Variants in NEGR1 observed in about 807,000 individuals in gnomAD.
The protein encoded by NEGR1 is neuronal growth regulator 1.
Under a neutral mutation model 40.9 loss-of-function variants are expected in NEGR1, and 10 were observed. That is an observed-to-expected ratio of 0.24 (90% CI 0.15 to 0.42). The LOEUF is 0.42. NEGR1 is among the 10% of genes least tolerant of loss of function. NEGR1 has a pLI of 1.00. For missense variants in NEGR1, 352 were observed against 438.9 expected, an observed-to-expected ratio of 0.80 and a Z score of 1.77; for synonymous variants, 185 against 166.8, an observed-to-expected ratio of 1.11 and a Z score of -0.84.
At chr1:71,603,240 G>T (rs953133250) in intron 5 of NEGR1, among the ~76,000 whole-genome samples, 2 of 152,146 alleles carry the variant, frequency 1.3e-5, no homozygotes, top group African/African-American at 4.8e-5. Context: ...TGGTAATAAG[G>T]TTATTTCTAG....
At chr1:72,267,681 G>C (rs1383945120) in intron 1 of NEGR1, among the ~76,000 whole-genome samples, 1 of 151,140 alleles carries the variant, frequency 6.6e-6, no homozygotes, top group East Asian at 1.9e-4. Flanking sequence ...CTATTTCAAT[G>C]AAGAATTATT....
At chr1:71,729,938 C>T (rs1198422664) in intron 3 of NEGR1, among the ~76,000 whole-genome samples, 1 of 149,684 alleles carries the variant, frequency 6.7e-6, no homozygotes, top group East Asian at 2.0e-4. Context: ...TATTGAGAGA[C>T]AATAACTTAT....
chr1:71,859,071 G>T (rs1000448931), intron 2 of NEGR1, among the ~76,000 whole-genome samples: 1 of 152,034 alleles, frequency 6.6e-6, no homozygotes, highest in Non-Finnish European at 1.5e-5. Flanking sequence ...GTCACTTGGT[G>T]TTCACCCTCC....
intron 5 of NEGR1, among the ~76,000 whole-genome samples, chr1:71,594,692 C>T (rs610454): frequency 0.89 from 136,213 of 152,228 alleles, 62,300 homozygotes; most frequent in Non-Finnish European, 1. Flanking sequence ...AGCCTAGCAA[C>T]ATTTATGCTA....
chr1:71,959,128 A>AT (rs1410674175), intron 1 of NEGR1, among the ~76,000 whole-genome samples: 3 of 152,098 alleles, frequency 2.0e-5, no homozygotes, highest in Admixed American at 6.6e-5. Context: ...AAGACAACTG[A>AT]TTTTTCCCCT....
At chr1:71,804,870 CT>C (rs760231617) in intron 2 of NEGR1, among the ~76,000 whole-genome samples, 117 of 152,326 alleles carry the variant, frequency 7.7e-4, no homozygotes, top group Non-Finnish European at 1.5e-3. Flanking sequence ...ACCTTAAACT[CT>C]GACTGCCAGT....
chr1:71,976,005 T>C (rs1363221093), intron 1 of NEGR1, among the ~76,000 whole-genome samples: 1 of 152,242 alleles, frequency 6.6e-6, no homozygotes, highest in African/African-American at 2.4e-5. Context: ...TCAAGCCCAA[T>C]GCTTCACATT....
At chr1:71,979,384 G>T (rs2768377) in intron 1 of NEGR1, among the ~76,000 whole-genome samples, 64,983 of 151,812 alleles carry the variant, frequency 0.43, 14,430 homozygotes, top group Middle Eastern at 0.57. Context: ...AAAATAAGAA[G>T]AAAAAGTAAA....
intron 4 of NEGR1, among the ~76,000 whole-genome samples, chr1:71,678,903 C>T (rs761885086): frequency 3.3e-5 from 5 of 151,944 alleles, no homozygotes; most frequent in Non-Finnish European, 5.9e-5. Flanking sequence ...CAAACAGAGG[C>T]GGCATCAAGA....
At chr1:72,097,288 G>A (rs1041921214) in intron 1 of NEGR1, among the ~76,000 whole-genome samples, 9 of 152,242 alleles carry the variant, frequency 5.9e-5, no homozygotes, top group African/African-American at 2.2e-4. Context: ...TTTTAAGGTT[G>A]TTGTGAAGAT....
At chr1:71,977,325 CAA>C (rs66553287) in intron 1 of NEGR1, among the ~76,000 whole-genome samples, 1 of 151,320 alleles carries the variant, frequency 6.6e-6, no homozygotes, top group African/African-American at 2.4e-5. Context: ...GACTCCATCT[CAA>C]AAAAAACAAA....
chr1:72,151,003 C>G (rs1039028336), intron 1 of NEGR1, among the ~76,000 whole-genome samples: 6 of 151,678 alleles, frequency 4.0e-5, no homozygotes, highest in African/African-American at 1.5e-4. Flanking sequence ...AAATAAACAA[C>G]AGAAAGGAAA....
Position 71,403,711 on chromosome 1 carries a change from G to A in NEGR1, c.*3735C>T, listed in dbSNP as rs1051067948. On this transcript the variant is annotated 3_prime_UTR_variant, in exon 7 of 7. Coordinates refer to ENST00000357731, the MANE Select transcript of NEGR1 (RefSeq NM_173808.3). ...TCCTTCTTTCTCTTAAGCTAATAGA[G>A]TTTTAAAATGAGTCAAATACATATT... The A allele has an allele frequency of 5.8e-6, 2 of 343,626 alleles. No homozygotes were observed. Among genetic ancestry groups the A allele is most frequent in the Admixed American group, 9.7e-5 (2 of 20,642 alleles). 21.3% of individuals were successfully genotyped at this position (343,626 alleles called of 1,614,324 possible). A position where few individuals can be genotyped will look rare whatever the true frequency, so the allele number is the denominator to read the frequency against.
At chr1:71,621,030 T>C (rs1650592039) in intron 4 of NEGR1, among the ~76,000 whole-genome samples, 1 of 151,992 alleles carries the variant, frequency 6.6e-6, no homozygotes, top group African/African-American at 2.4e-5. Flanking sequence ...ACATTAGCTA[T>C]TATTAAATTA....
Position 72,012,856 on chromosome 1 carries a change from T to TATAC in NEGR1, c.177-77546_177-77545insGTAT, listed in dbSNP as rs769682455. On this transcript the variant is annotated intron_variant, in intron 1 of 6. Transcript: ENST00000357731. ...ATATATACATACATATATATATATA[T>TATAC]ACACACACACATATATATATATTTT... Among the ~76,000 whole-genome samples the TATAC allele has an allele frequency of 6.6e-3, 892 of 135,202 alleles. 12 individuals are homozygous for TATAC. Among genetic ancestry groups the TATAC allele is most frequent in the African/African-American group, 0.023 (829 of 35,780 alleles). 88.7% of individuals were successfully genotyped at this position (135,202 alleles called of 152,430 possible). A position where few individuals can be genotyped will look rare whatever the true frequency, so the allele number is the denominator to read the frequency against.
intron 3 of NEGR1, among the ~76,000 whole-genome samples, chr1:71,744,843 C>A (rs1478338761): frequency 6.6e-6 from 1 of 152,126 alleles, no homozygotes; most frequent in Non-Finnish European, 1.5e-5. Context: ...AGTTAATGAA[C>A]TAAATTTACT....
At chr1:71,664,714 T>C (rs890588886) in intron 4 of NEGR1, among the ~76,000 whole-genome samples, 3 of 152,034 alleles carry the variant, frequency 2.0e-5, no homozygotes, top group Non-Finnish European at 2.9e-5. Flanking sequence ...TCAGTGCTAT[T>C]TGGCTTCTTT....
chr1:71,705,461 A>T (rs1019051329), intron 3 of NEGR1, among the ~76,000 whole-genome samples: 6 of 152,230 alleles, frequency 3.9e-5, no homozygotes, highest in African/African-American at 1.4e-4. Context: ...TTAATTACAT[A>T]AAAGGAAGGA....
intron 1 of NEGR1, among the ~76,000 whole-genome samples, chr1:72,027,231 C>T (rs905320236): frequency 2.0e-5 from 3 of 151,940 alleles, no homozygotes; most frequent in African/African-American, 7.2e-5. Flanking sequence ...CGGCCCAAGA[C>T]TCATGTTTTA....
Sources: allele counts gnomAD v4.1 joint callset (sites outside exome capture counted in the v4.1 genomes callset), GRCh38; gene constraint gnomAD v4.1.1; transcripts MANE v1.5; gene names NCBI Gene and HGNC (gene_info 2026-07-23, HGNC 2026-07-21).